The following TTLL11 variants were observed in gnomAD, a reference collection of about 807,000 sequenced individuals.
The protein encoded by TTLL11 is tubulin polyglutamylase TTLL11.
In TTLL11, 42 loss-of-function variants were observed where a neutral mutation model predicts 51.7. The ratio of observed to expected loss-of-function variants is 0.81; its 90% CI spans 0.64 to 1.05. The LOEUF (loss-of-function observed/expected upper bound fraction) is 1.05. TTLL11 is among the 50% of genes least tolerant of loss of function. The pLI, the probability that TTLL11 is intolerant of heterozygous loss-of-function variation, is 0.00. For missense variants in TTLL11, 799 were observed against 940.4 expected (o/e 0.85, Z 1.97); for synonymous variants, 381 against 383.5 (o/e 0.99, Z 0.08).
chr9:121,842,008 T>G (rs1373401828), intron 8 of TTLL11, among the ~76,000 whole-genome samples: 1 of 152,130 alleles, frequency 6.6e-6, no homozygotes, highest in African/African-American at 2.4e-5. Context: ...CGAGAGCATG[T>G]GCCTGCCTTC....
At chr9:121,993,916 G>C (rs986914830) in intron 3 of TTLL11, among the ~76,000 whole-genome samples, 9 of 152,190 alleles carry the variant, frequency 5.9e-5, no homozygotes, top group Non-Finnish European at 1.3e-4. Context: ...TCAGACCTTT[G>C]ATGTCACAGG....
At chr9:121,976,615 G>C (rs976058296) in intron 4 of TTLL11, among the ~76,000 whole-genome samples, 1 of 152,164 alleles carries the variant, frequency 6.6e-6, no homozygotes, top group Admixed American at 6.5e-5. Context: ...CCATTTACTA[G>C]TCTATATAGA....
intron 3 of TTLL11, among the ~76,000 whole-genome samples, chr9:122,021,196 G>C (rs1219368572): frequency 6.6e-6 from 1 of 152,104 alleles, no homozygotes. Flanking sequence ...GTGAACCCTA[G>C]GATTGCCTCA....
chr9:121,827,465 G>A (rs1009510163), intron 8 of TTLL11, among the ~76,000 whole-genome samples: 1 of 152,186 alleles, frequency 6.6e-6, no homozygotes, highest in Non-Finnish European at 1.5e-5. Context: ...CCAGCTCTGG[G>A]ACTGGAGCCC....
At chr9:121,971,428 C>T (rs1189683513) in intron 6 of TTLL11, among the ~76,000 whole-genome samples, 2 of 111,836 alleles carry the variant, frequency 1.8e-5, no homozygotes, top group Admixed American at 8.4e-5. Flanking sequence ...CCAGCCGCCC[C>T]GTCCGGGAGG....
At chr9:121,879,296 T>C (rs1838684769) in intron 6 of TTLL11, among the ~76,000 whole-genome samples, 1 of 152,126 alleles carries the variant, frequency 6.6e-6, no homozygotes, top group Admixed American at 6.5e-5. Flanking sequence ...AACCAAACAC[T>C]AGATTGACTT....
At chr9:121,845,597 A>C (rs937417054) in intron 8 of TTLL11, among the ~76,000 whole-genome samples, 1 of 152,186 alleles carries the variant, frequency 6.6e-6, no homozygotes, top group African/African-American at 2.4e-5. Flanking sequence ...GCTTGGGGAT[A>C]AGTGAAATGA....
chr9:121,950,804 C>T (rs10985463), intron 6 of TTLL11, among the ~76,000 whole-genome samples: 3 of 152,044 alleles, frequency 2.0e-5, no homozygotes, highest in African/African-American at 4.8e-5. Context: ...CCTAACGACA[C>T]GAGCTCTGGG....
intron 6 of TTLL11, among the ~76,000 whole-genome samples, chr9:121,921,313 T>A (rs1488386040): frequency 6.6e-6 from 1 of 152,196 alleles, no homozygotes; most frequent in African/African-American, 2.4e-5. Flanking sequence ...ACAAGGCCAG[T>A]AGGCAGAGAT....
intron 8 of TTLL11, among the ~76,000 whole-genome samples, chr9:121,854,855 T>G (rs1206788091): frequency 6.6e-6 from 1 of 152,256 alleles, no homozygotes; most frequent in Non-Finnish European, 1.5e-5. Context: ...CATCCCAGTT[T>G]TGCTGATAAC....
chr9:121,872,955 T>C (rs1423075365), intron 6 of TTLL11, among the ~76,000 whole-genome samples: 1 of 152,190 alleles, frequency 6.6e-6, no homozygotes, highest in Non-Finnish European at 1.5e-5. Flanking sequence ...GGTGGTTGCT[T>C]TTCAGTTGAA....
chr9:122,021,009 A>C lies in TTLL11; in HGVS notation c.693+10714T>G, dbSNP rs1844159784. Among the ~76,000 whole-genome samples, 4 of 152,262 alleles carry C rather than the reference A, an allele frequency of 2.6e-5. No homozygotes were observed. In the South Asian group the frequency reaches 8.3e-4, roughly 32 times the overall value. The stretch of plus-strand genomic sequence containing the variant: ...AATGTTGCTATTGTTATTGTTATGT[A>C]GTCATTCTTTTAGAGAACTTCCACT... On this transcript the variant is annotated intron_variant, in intron 3 of 8. Transcript: ENST00000321582.
At chr9:122,003,106 A>C (rs1391805090) in intron 3 of TTLL11, among the ~76,000 whole-genome samples, 1 of 152,186 alleles carries the variant, frequency 6.6e-6, no homozygotes, top group Non-Finnish European at 1.5e-5. Flanking sequence ...CAGGATGTCA[A>C]GATAGAATAC....
At chr9:122,033,305 G>A (rs894442818) in intron 2 of TTLL11, among the ~76,000 whole-genome samples, 2 of 152,086 alleles carry the variant, frequency 1.3e-5, no homozygotes, top group Non-Finnish European at 2.9e-5. Flanking sequence ...TAGAGAAGGG[G>A]TTTCACCATG....
At position 121,989,219 on chromosome 9, in the gene TTLL11, C is replaced by A. The variant is rs773662762; in HGVS notation, c.1245G>T (p.Gly415=). Residue 415 remains glycine (G), a synonymous_variant, in exon 4 of 9, where the codon GGG becomes GGT. Coordinates refer to ENST00000321582, the MANE Select transcript of TTLL11 (RefSeq NM_001139442.2). This position sits in a 1 kb window ranked among gnomAD's most constrained non-coding sequence, Gnocchi z 4.2. ...CCTGGAAGCACGTGGGGCCCGGCCT[C>A]CCCGTGGGGATGTCTGACTGGTAGA... The part of the protein sequence containing the change: ...KVFYQSDIPT[G]RPGPTCFQIL... 4.3e-6 allele frequency: 7 copies of A among 1,613,978 alleles called. No individual in the cohort carries two copies. In the East Asian group the frequency reaches 1.6e-4, roughly 36 times the overall value.
intron 1 of TTLL11, among the ~76,000 whole-genome samples, chr9:122,049,529 C>T (rs1845105027): frequency 6.6e-6 from 1 of 152,182 alleles, no homozygotes; most frequent in South Asian, 2.1e-4. Context: ...CTGTAACCCT[C>T]ACCCTACATG....
intron 7 of TTLL11, among the ~76,000 whole-genome samples, chr9:121,868,416 G>C (rs1838245570): frequency 6.6e-6 from 1 of 152,216 alleles, no homozygotes; most frequent in Non-Finnish European, 1.5e-5. Flanking sequence ...GTGGTAGCCA[G>C]TAAGATGGAA....
At chr9:122,060,612 A>G (rs1564380048) in intron 1 of TTLL11, among the ~76,000 whole-genome samples, 3 of 152,232 alleles carry the variant, frequency 2.0e-5, no homozygotes, top group Non-Finnish European at 4.4e-5. Flanking sequence ...GAACACAGGA[A>G]TCAGATCTTG....
At chr9:122,086,485 G>A (rs1488215844) in intron 1 of TTLL11, among the ~76,000 whole-genome samples, 1 of 152,108 alleles carries the variant, frequency 6.6e-6, no homozygotes, top group Non-Finnish European at 1.5e-5. Flanking sequence ...ATTGAAAATA[G>A]AAAGGGAGGA....
Sources: gnomAD v4.1 joint callset for allele counts (sites outside exome capture counted in the v4.1 genomes callset) on GRCh38, gnomAD v4.1.1 for gene constraint, Gnocchi (gnomAD v3.1) non-coding constraint, MANE v1.5 for transcripts, NCBI Gene and HGNC (gene_info 2026-07-23, HGNC 2026-07-21) for gene names.